The following TECPR2 variants were observed in gnomAD, a reference collection of about 807,000 sequenced individuals.
TECPR2 encodes the protein tectonin beta-propeller repeat containing 2, also known as tectonin beta-propeller repeat-containing protein 2.
In TECPR2, 65 loss-of-function variants were observed where a neutral mutation model predicts 138.1. That is an observed-to-expected ratio of 0.47 (90% confidence interval 0.39 to 0.58). The LOEUF is 0.58. TECPR2 is among the 20% of genes least tolerant of loss of function. TECPR2 has a pLI of 0.00. For missense variants in TECPR2, 1,553 were observed against 1,824.5 expected, an observed-to-expected ratio of 0.85 and a Z score of 2.71; for synonymous variants, 746 against 749.8, an observed-to-expected ratio of 0.99 and a Z score of 0.08.
Position 102,377,705 on chromosome 14 carries a change from T to TA in TECPR2, c.219+773dup, listed in dbSNP as rs957757627. On this transcript the variant is annotated intron_variant, in intron 2 of 19. Transcript: ENST00000359520. Reference sequence around the variant, plus strand: ...TGGGTGACAGAGTGAGACTCCATCTTAAAAAAAAGAAAGAAAGAAAAAAAG... The same window carrying TA: ...TGGGTGACAGAGTGAGACTCCATCTTAAAAAAAAAGAAAGAAAGAAAAAAAG... 1.4e-4 allele frequency among the ~76,000 whole-genome samples: 22 copies of TA among 151,916 alleles called. No individual in the cohort carries two copies. In the East Asian group the frequency reaches 1.9e-3, roughly 13 times the overall value.
chr14:102,413,799 GT>G (rs566660699), intron 4 of TECPR2, among the ~76,000 whole-genome samples: 2 of 150,278 alleles, frequency 1.3e-5, no homozygotes, highest in Non-Finnish European at 3.0e-5. Flanking sequence ...ATAAAATATG[GT>G]TTTTTTTTCT....
chr14:102,384,693 A>G (rs1887943978), intron 2 of TECPR2, among the ~76,000 whole-genome samples: 1 of 148,802 alleles, frequency 6.7e-6, no homozygotes, highest in Admixed American at 6.8e-5. Flanking sequence ...AAATATATAT[A>G]TATATATGTG....
chr14:102,411,246 A>T (rs1392881182), intron 4 of TECPR2, among the ~76,000 whole-genome samples: 1 of 152,230 alleles, frequency 6.6e-6, no homozygotes, highest in Admixed American at 6.5e-5. Flanking sequence ...ACATTTCAAC[A>T]CCATTTTGTT....
intron 7 of TECPR2, among the ~76,000 whole-genome samples, chr14:102,430,946 T>C (rs889557754): frequency 6.6e-6 from 1 of 152,180 alleles, no homozygotes; most frequent in Non-Finnish European, 1.5e-5. Flanking sequence ...TAAGCTGTTT[T>C]GTTATACACA....
At chr14:102,488,501 G>A (rs528441885) in intron 17 of TECPR2, among the ~76,000 whole-genome samples, 28 of 151,708 alleles carry the variant, frequency 1.8e-4, no homozygotes, top group Admixed American at 5.3e-4. Flanking sequence ...CACCACGTCC[G>A]GCTAATTTTG....
At chr14:102,489,836 C>G (rs980560660) in intron 17 of TECPR2, among the ~76,000 whole-genome samples, 4 of 151,858 alleles carry the variant, frequency 2.6e-5, no homozygotes, top group African/African-American at 7.3e-5. Flanking sequence ...CTGGTACAAA[C>G]CAGGGGACAG....
chr14:102,443,700 C>G lies in TECPR2; in HGVS notation c.2806C>G (p.Pro936Ala). Residue 936 changes from proline to alanine, a missense_variant, in exon 12 of 20, where the codon CCG becomes GCG. Physicochemically the swap from Pro to Ala is conservative, Grantham distance 27. Transcript: ENST00000359520. This position sits in a 1 kb window ranked among gnomAD's most constrained non-coding sequence, Gnocchi z 4.9. ...AGCCGTAAAGGTGGACTGTCCCTAC[C>G]CGCTGTCCCAGATCACAGCCCGGAA... ...ARAVKVDCPY[P>A]LSQITARNNV... 1 of 1,612,238 alleles carries G rather than the reference C, an allele frequency of 6.2e-7. No individual in the cohort carries two copies. The highest frequency in any genetic ancestry group is 8.5e-7 in the Non-Finnish European group (1 of 1,178,638).
At chr14:102,402,537 A>G (rs1427809514) in intron 2 of TECPR2, among the ~76,000 whole-genome samples, 1 of 152,128 alleles carries the variant, frequency 6.6e-6, no homozygotes, top group African/African-American at 2.4e-5. Flanking sequence ...GAAGGAAATA[A>G]TAAGATTAGA....
intron 2 of TECPR2, among the ~76,000 whole-genome samples, chr14:102,378,672 T>C (rs1887706269): frequency 6.6e-6 from 1 of 152,178 alleles, no homozygotes; most frequent in South Asian, 2.1e-4. Flanking sequence ...TCGCCCAGGC[T>C]GGAGTGCAAT....
intron 17 of TECPR2, among the ~76,000 whole-genome samples, chr14:102,481,805 A>G (rs1256122684): frequency 6.6e-6 from 1 of 151,150 alleles, no homozygotes; most frequent in Non-Finnish European, 1.5e-5. Flanking sequence ...TTTCTGGTTG[A>G]CTCTCTGCGG....
intron 2 of TECPR2, among the ~76,000 whole-genome samples, chr14:102,386,813 T>C (rs12586378): frequency 0.27 from 40,380 of 152,064 alleles, 6,157 homozygotes; most frequent in East Asian, 0.47. Context: ...AATATTTATG[T>C]TGTTGTTGTT....
intron 12 of TECPR2, 130 bp from the exon 13 acceptor site, chr14:102,445,676 C>G (rs964882591): frequency 8.3e-7 from 1 of 1,205,080 alleles, no homozygotes; most frequent in Non-Finnish European, 1.1e-6. Context: ...CTGGCACCTG[C>G]TGATCCGCTC....
chr14:102,410,981 C>T (rs939316646), intron 4 of TECPR2, among the ~76,000 whole-genome samples: 2,715 of 151,040 alleles, frequency 0.018, no homozygotes, highest in African/African-American at 0.057. Context: ...CCTTTTATAC[C>T]TGTTTTTCTC....
chr14:102,484,924 G>T (rs979493605), intron 17 of TECPR2, among the ~76,000 whole-genome samples: 4 of 152,266 alleles, frequency 2.6e-5, no homozygotes, highest in Non-Finnish European at 4.4e-5. Context: ...TTCCCAAAGT[G>T]CTGGGATTAC....
chr14:102,430,352 T>A (rs1889435754), intron 7 of TECPR2, among the ~76,000 whole-genome samples: 2 of 152,212 alleles, frequency 1.3e-5, no homozygotes, highest in Non-Finnish European at 2.9e-5. Flanking sequence ...CAGGGAGCTC[T>A]AGGCAAGATC....
chr14:102,419,611 C>A lies in TECPR2; in HGVS notation c.638+4818C>A, dbSNP rs1889125099. Among the ~76,000 whole-genome samples, 1 of 152,074 alleles carries A rather than the reference C, an allele frequency of 6.6e-6. No homozygotes were observed. The highest frequency in any genetic ancestry group is 6.5e-5 in the Admixed American group (1 of 15,272). ...AAAGGGCAGGGCACTGAGCACAGGGCAGGTGCAGGCAGGTCAGGAGGCCCA... is the reference window on the plus strand; with the variant it reads ...AAAGGGCAGGGCACTGAGCACAGGGAAGGTGCAGGCAGGTCAGGAGGCCCA... On this transcript the variant is annotated intron_variant, in intron 5 of 19. Coordinates refer to ENST00000359520, the MANE Select transcript of TECPR2 (RefSeq NM_014844.5). The surrounding 1 kb of genome is among the most constrained non-coding windows in gnomAD (Gnocchi z 4.8).
intron 17 of TECPR2, among the ~76,000 whole-genome samples, chr14:102,476,547 C>G (rs2139781458): frequency 6.6e-6 from 1 of 152,084 alleles, no homozygotes; most frequent in South Asian, 2.1e-4. Flanking sequence ...ACACTGAAGC[C>G]CAGAGGGAAA....
At chr14:102,375,394 G>A (rs573064947) in intron 1 of TECPR2, among the ~76,000 whole-genome samples, 22 of 152,112 alleles carry the variant, frequency 1.4e-4, no homozygotes, top group African/African-American at 5.3e-4. Context: ...ACTGGGAGAG[G>A]TGACAGAGAG....
chr14:102,383,857 A>C (rs1347363651), intron 2 of TECPR2, among the ~76,000 whole-genome samples: 1 of 151,924 alleles, frequency 6.6e-6, no homozygotes, highest in Admixed American at 6.6e-5. Flanking sequence ...ACCAATAATT[A>C]GTTCTCTATC....
Sources: gnomAD v4.1 joint callset for allele counts (sites outside exome capture counted in the v4.1 genomes callset) on GRCh38, gnomAD v4.1.1 for gene constraint, Gnocchi (gnomAD v3.1) non-coding constraint, MANE v1.5 for transcripts, NCBI Gene and HGNC (gene_info 2026-07-23, HGNC 2026-07-21) for gene names.